The following DLG2 variants were observed in gnomAD, a reference collection of about 807,000 sequenced individuals.
DLG2 encodes the protein disks large homolog 2.
In DLG2, 45 loss-of-function variants were observed where a neutral mutation model predicts 132.5. That is an observed-to-expected ratio of 0.34 (90% confidence interval 0.27 to 0.44). DLG2 has a LOEUF of 0.44. Ranked by LOEUF, DLG2 falls within the 20% of genes least tolerant of loss-of-function variation. The pLI is 1.00. For missense variants in DLG2, 1,045 were observed against 1,196.9 expected (o/e 0.87, Z 1.87); for synonymous variants, 424 against 419.6 (o/e 1.01, Z -0.13).
chr11:83,600,864 G>T (rs1044975012), intron 19 of DLG2, among the ~76,000 whole-genome samples: 6 of 152,234 alleles, frequency 3.9e-5, no homozygotes, highest in Admixed American at 1.3e-4. Context: ...TGTGATAGAG[G>T]CTGTTGAGAA....
In DLG2 at chr11:83,965,331, A is replaced by T; in HGVS notation, c.1194T>A (p.Ile398=). The part of the protein sequence containing the change: ...YMTDPYGPPD[I]THSYSPPMEN... The stretch of plus-strand genomic sequence containing the variant: ...GATGACAATGGTACTTACAGTGAGT[A>T]ATATCAGGTGGACCATAAGGATCAG... The change falls in exon 13 of 28, where the codon ATT becomes ATA. Residue 398 remains isoleucine, a synonymous_variant. Coordinates refer to ENST00000376104, the MANE Select transcript of DLG2 (RefSeq NM_001142699.3). 6.2e-7 allele frequency: 1 copy of T among 1,607,018 alleles called. No homozygotes were observed. Among genetic ancestry groups the T allele is most frequent in the Non-Finnish European group, 8.5e-7 (1 of 1,177,062 alleles).
intron 6 of DLG2, among the ~76,000 whole-genome samples, chr11:84,985,067 T>C (rs1053821290): frequency 3.3e-5 from 5 of 152,108 alleles, no homozygotes; most frequent in African/African-American, 7.2e-5. Context: ...ACTAGACAGA[T>C]CATCAAGACA....
chr11:83,798,835 C>A (rs1293816462), intron 17 of DLG2, among the ~76,000 whole-genome samples: 1 of 152,110 alleles, frequency 6.6e-6, no homozygotes, highest in Non-Finnish European at 1.5e-5. Flanking sequence ...GGAAAAAAAT[C>A]TATTTTCATT....
intron 7 of DLG2, among the ~76,000 whole-genome samples, chr11:84,355,490 T>C (rs2098605904): frequency 6.6e-6 from 1 of 152,014 alleles, no homozygotes; most frequent in African/African-American, 2.4e-5. Flanking sequence ...AGCAAGAAGG[T>C]GCTCAAGGCA....
chr11:85,242,156 C>T (rs778337571), intron 4 of DLG2, among the ~76,000 whole-genome samples: 1 of 151,774 alleles, frequency 6.6e-6, no homozygotes, highest in African/African-American at 2.4e-5. Context: ...TAGGCCAGTG[C>T]TTTAAATTCT....
At chr11:84,846,930 T>C (rs1329307931) in intron 6 of DLG2, among the ~76,000 whole-genome samples, 1 of 152,094 alleles carries the variant, frequency 6.6e-6, no homozygotes, top group Non-Finnish European at 1.5e-5. Flanking sequence ...AGACTACATA[T>C]AGAGAAAAAG....
intron 19 of DLG2, among the ~76,000 whole-genome samples, chr11:83,569,916 T>C (rs1291963822): frequency 1.3e-5 from 2 of 152,144 alleles, no homozygotes; most frequent in African/African-American, 4.8e-5. Context: ...ACAGGACAGC[T>C]CCATGGGACT....
chr11:83,480,796 C>T, intron 22 of DLG2: 1 of 607,366 alleles, frequency 1.6e-6, no homozygotes, highest in South Asian at 2.4e-5. Flanking sequence ...TCAGACGCTT[C>T]TGGTGTGTAG....
intron 21 of DLG2, among the ~76,000 whole-genome samples, chr11:83,489,835 G>A (rs2093735909): frequency 6.6e-6 from 1 of 151,898 alleles, no homozygotes; most frequent in Admixed American, 6.6e-5. Flanking sequence ...GAGTAAATGA[G>A]TAAACACATG....
rs552115622 is a variant in DLG2 at position 84,951,702 on chromosome 11, T to C, written c.357+159959A>G. Reference sequence around the variant, plus strand: ...CATATATATGCATTCTATATATATATACACACACGTATATATATAATATTT... The same window carrying C: ...CATATATATGCATTCTATATATATACACACACACGTATATATATAATATTT... On this transcript the variant is annotated intron_variant, in intron 6 of 27. Transcript: ENST00000376104. 6.1e-4 allele frequency among the ~76,000 whole-genome samples: 92 copies of C among 150,646 alleles called. No individual in the cohort carries two copies. The South Asian group carries it at 0.017, about 28-fold the overall frequency.
At chr11:83,798,282 A>T (rs755758979) in intron 17 of DLG2, among the ~76,000 whole-genome samples, 2 of 152,218 alleles carry the variant, frequency 1.3e-5, no homozygotes, top group African/African-American at 4.8e-5. Flanking sequence ...CCTCATATGC[A>T]TCAAAAGATG....
At chr11:83,603,068 G>T (rs1381175469) in intron 19 of DLG2, among the ~76,000 whole-genome samples, 1 of 151,966 alleles carries the variant, frequency 6.6e-6, no homozygotes, top group African/African-American at 2.4e-5. Flanking sequence ...GTGTGTATGT[G>T]TGTTCGTGTG....
At chr11:84,232,804 T>C (rs553393014) in intron 8 of DLG2, among the ~76,000 whole-genome samples, 3 of 152,262 alleles carry the variant, frequency 2.0e-5, no homozygotes, top group Admixed American at 1.3e-4. Context: ...GCTATACTAG[T>C]CTGAACTAAA....
chr11:83,756,275 GTGTGAACTTA>G (rs2093640940), intron 18 of DLG2, among the ~76,000 whole-genome samples: 4 of 151,484 alleles, frequency 2.6e-5, no homozygotes, highest in Admixed American at 2.0e-4. Flanking sequence ...TAATTCTGAA[GTGTGAACTTA>G]TGTAATGTTT....
At chr11:84,724,951 G>A (rs1433067677) in intron 6 of DLG2, among the ~76,000 whole-genome samples, 1 of 152,152 alleles carries the variant, frequency 6.6e-6, no homozygotes, top group African/African-American at 2.4e-5. Context: ...ATATGCAGCA[G>A]ATCTTAAAAC....
chr11:84,739,923 C>G (rs2064369730), intron 6 of DLG2, among the ~76,000 whole-genome samples: 1 of 151,940 alleles, frequency 6.6e-6, no homozygotes, highest in Non-Finnish European at 1.5e-5. Flanking sequence ...TTTACAGGAT[C>G]TGATGAAGCG....
intron 6 of DLG2, among the ~76,000 whole-genome samples, chr11:84,943,167 CGTGTGTGTGTGTGTGTGTGTGTGTGTGT>C (rs201404405): frequency 7.3e-6 from 1 of 137,800 alleles, no homozygotes; most frequent in Non-Finnish European, 1.6e-5. Flanking sequence ...TGTGTGTGTG[CGTGTGTGTGTGTGTGTGTGTGTGTGTGT>C]GTGTGTGTAT....
At chr11:85,441,739 C>CA (rs1460769936) in intron 3 of DLG2, among the ~76,000 whole-genome samples, 1 of 152,092 alleles carries the variant, frequency 6.6e-6, no homozygotes, top group Admixed American at 6.5e-5. Context: ...GCAGAATCTA[C>CA]TAATGTATAA....
At chr11:84,558,424 T>C (rs2099416369) in intron 6 of DLG2, among the ~76,000 whole-genome samples, 1 of 152,136 alleles carries the variant, frequency 6.6e-6, no homozygotes. Context: ...TTCCTAAAAA[T>C]TGTGGCATCT....
Sources: gnomAD v4.1 joint callset for allele counts (sites outside exome capture counted in the v4.1 genomes callset) on GRCh38, gnomAD v4.1.1 for gene constraint, MANE v1.5 for transcripts, NCBI Gene and HGNC (gene_info 2026-07-23, HGNC 2026-07-21) for gene names.